Variants in PPP1R12B observed in about 807,000 individuals in gnomAD.
The protein encoded by PPP1R12B is protein phosphatase 1 regulatory subunit 12B, also known as myosin phosphatase target subunit 2.
Under a neutral mutation model 126.1 loss-of-function variants are expected in PPP1R12B, and 76 were observed. The ratio of observed to expected loss-of-function variants is 0.60; its 90% CI spans 0.50 to 0.73. The LOEUF (loss-of-function observed/expected upper bound fraction) is 0.73, where lower values mean the gene tolerates loss of function less well. Ranked by LOEUF, PPP1R12B falls within the 30% of genes least tolerant of loss-of-function variation. PPP1R12B has a pLI of 0.00. For missense variants in PPP1R12B, 1,052 were observed against 1,205.1 expected (o/e 0.87, Z 1.88); for synonymous variants, 356 against 434.7 (o/e 0.82, Z 2.25).
intron 10 of PPP1R12B, chr1:202,438,367 A>C: frequency 2.4e-6 from 2 of 848,058 alleles, no homozygotes; most frequent in Non-Finnish European, 3.6e-6. Context: ...TCCTGGATCC[A>C]GAGGGCCAAT....
At position 202,416,850 on chromosome 1, in the gene PPP1R12B, C is replaced by G. The variant is rs1668140928; in HGVS notation, c.355C>G (p.Gln119Glu). 1 of 1,613,888 alleles carries G rather than the reference C, an allele frequency of 6.2e-7. No individual in the cohort carries two copies. Among genetic ancestry groups the G allele is most frequent in the Admixed American group, 1.7e-5 (1 of 59,994 alleles). Residue 119 changes from glutamine to glutamate, a missense_variant, in exon 2 of 24, where the codon CAG becomes GAG. Gln to Glu is a conservative substitution (Grantham distance 29). Coordinates refer to ENST00000608999, the MANE Select transcript of PPP1R12B (RefSeq NM_002481.4). Reference sequence around the variant, plus strand: ...GGTGGAGAACAGAGCCAATGTAAACCAGCAAGACAACGAGGGCTGGACACC... The same window carrying G: ...GGTGGAGAACAGAGCCAATGTAAACGAGCAAGACAACGAGGGCTGGACACC... The part of the protein sequence containing the change: ...FLVENRANVN[Q>E]QDNEGWTPLH...
Position 202,495,608 on chromosome 1 carries a change from A to G in PPP1R12B, c.2374A>G (p.Arg792Gly), listed in dbSNP as rs1208603273. Residue 792 changes from arginine to glycine, a missense_variant, in exon 17 of 24, where the codon AGG (arginine) becomes GGG (glycine). Coordinates refer to ENST00000608999, the MANE Select transcript of PPP1R12B (RefSeq NM_002481.4). Reference protein sequence around the residue: ...EADLDEQSSKRLSIRERRRPK... With the variant: ...EADLDEQSSKGLSIRERRRPK... ...AGATTTGGATGAGCAGTCCTCTAAGAGGCTGTCCATCCGAGAGAGGAGGCG... is the reference window on the plus strand; with the variant it reads ...AGATTTGGATGAGCAGTCCTCTAAGGGGCTGTCCATCCGAGAGAGGAGGCG... 6.8e-6 allele frequency: 11 copies of G among 1,614,118 alleles called. No homozygotes were observed. Among genetic ancestry groups the G allele is most frequent in the Non-Finnish European group, 9.3e-6 (11 of 1,179,992 alleles).
intron 18 of PPP1R12B, among the ~76,000 whole-genome samples, chr1:202,547,913 T>C (rs998654535): frequency 6.6e-6 from 1 of 152,134 alleles, no homozygotes; most frequent in Non-Finnish European, 1.5e-5. Context: ...AGAGAGAGAA[T>C]AGAAAAAAGT....
chr1:202,383,758 T>G (rs760337291), intron 1 of PPP1R12B, among the ~76,000 whole-genome samples: 3 of 152,164 alleles, frequency 2.0e-5, no homozygotes, highest in African/African-American at 4.8e-5. Flanking sequence ...TAAATTATAT[T>G]TGTTAAGATG....
Position 202,442,582 on chromosome 1 carries a change from T to C in PPP1R12B, c.1667+10T>C, listed in dbSNP as rs200454319. 6 of 1,605,558 alleles carry C rather than the reference T, an allele frequency of 3.7e-6. No homozygotes were observed. The highest frequency in any genetic ancestry group is 5.1e-6 in the Non-Finnish European group (6 of 1,175,860). ...CAACTTACTTGAAAAGGTACCAGGC[T>C]CAAAGGGGGTGGGAGATGTTTCTTT... On this transcript the variant is annotated intron_variant, in intron 12 of 23. Coordinates refer to ENST00000608999, the MANE Select transcript of PPP1R12B (RefSeq NM_002481.4).
At position 202,565,641 on chromosome 1, in the gene PPP1R12B, G is replaced by A. The variant is rs1687979614; in HGVS notation, c.2757+1094G>A. Among the ~76,000 whole-genome samples, 1 of 152,126 alleles carries A rather than the reference G, an allele frequency of 6.6e-6. No homozygotes were observed. Among genetic ancestry groups the A allele is most frequent in the Non-Finnish European group, 1.5e-5 (1 of 68,030 alleles). On this transcript the variant is annotated intron_variant, in intron 21 of 23. Transcript: ENST00000608999. This position sits in a 1 kb window ranked among gnomAD's most constrained non-coding sequence, Gnocchi z 4.3. Reference sequence around the variant, plus strand: ...ACTTTCTGGAGAAGGGCTTACCCAGGTGTAAAATGTGAACTGCCTGTCAGT... The same window carrying A: ...ACTTTCTGGAGAAGGGCTTACCCAGATGTAAAATGTGAACTGCCTGTCAGT...
intron 10 of PPP1R12B, chr1:202,438,844 TC>T: frequency 1.9e-6 from 2 of 1,042,178 alleles, no homozygotes; most frequent in Non-Finnish European, 3.0e-6. Flanking sequence ...ACGGCCATGG[TC>T]ACTGCTGACT....
chr1:202,531,003 C>T (rs1683881079), intron 18 of PPP1R12B, among the ~76,000 whole-genome samples: 1 of 152,220 alleles, frequency 6.6e-6, no homozygotes, highest in Non-Finnish European at 1.5e-5. Context: ...CACTCAGGAG[C>T]ATCTGTGCAG....
chr1:202,548,804 C>CTATATATATA (rs1321500598), intron 18 of PPP1R12B, among the ~76,000 whole-genome samples: 104 of 82,210 alleles, frequency 1.3e-3, no homozygotes, highest in Non-Finnish European at 2.0e-3. Flanking sequence ...CTCTCTCTCT[C>CTATATATATA]TCTCTATATA....
At chr1:202,553,896 A>C (rs189347045) in intron 18 of PPP1R12B, among the ~76,000 whole-genome samples, 3 of 152,102 alleles carry the variant, frequency 2.0e-5, no homozygotes, top group African/African-American at 7.2e-5. Context: ...ACTCTGTCTT[A>C]TCTCCTCTAG....
At chr1:202,502,863 GA>G (rs899729326) in intron 18 of PPP1R12B, 4 of 152,100 alleles carry the variant, frequency 2.6e-5, no homozygotes, top group African/African-American at 9.7e-5. Context: ...CAATTGCAAA[GA>G]CCCTAAGATA....
intron 11 of PPP1R12B, 54 bp from the exon 12 acceptor site, chr1:202,442,393 G>A: frequency 6.3e-7 from 1 of 1,576,670 alleles, no homozygotes; most frequent in Non-Finnish European, 8.6e-7. Context: ...TTGTATCATG[G>A]ACAAAAACTG....
At chr1:202,421,564 T>A (rs1373714886) in intron 2 of PPP1R12B, among the ~76,000 whole-genome samples, 1 of 150,854 alleles carries the variant, frequency 6.6e-6, no homozygotes, top group Non-Finnish European at 1.5e-5. Flanking sequence ...TGCTTGAACC[T>A]GGAACGTGGA....
At chr1:202,506,641 T>G (rs1409697360) in intron 18 of PPP1R12B, among the ~76,000 whole-genome samples, 1 of 152,234 alleles carries the variant, frequency 6.6e-6, no homozygotes, top group African/African-American at 2.4e-5. Flanking sequence ...TTTTTTTGAT[T>G]TCTTCTTCTG....
At chr1:202,394,514 G>A (rs1664639632) in intron 1 of PPP1R12B, among the ~76,000 whole-genome samples, 1 of 152,044 alleles carries the variant, frequency 6.6e-6, no homozygotes, top group Admixed American at 6.6e-5. Flanking sequence ...AAGCACTTTG[G>A]GAGGCCAAGG....
In PPP1R12B at chr1:202,562,847, TCGGGAGGCC is replaced by T; in HGVS notation, c.2589_2597del (p.Glu864_Arg866del). On this transcript the variant is annotated inframe_deletion, in exon 20 of 24. Coordinates refer to ENST00000608999, the MANE Select transcript of PPP1R12B (RefSeq NM_002481.4). ...GTGACCGGGCTTCAGCAAGAGCCCG[TCGGGAGGCC>T]CGGGAGGCCCGCCTAGCCACCCTGA... 3 of 1,613,400 alleles carry T rather than the reference TCGGGAGGCC, an allele frequency of 1.9e-6. No homozygotes were observed. The highest frequency in any genetic ancestry group is 2.5e-6 in the Non-Finnish European group (3 of 1,179,766).
At chr1:202,451,040 T>G (rs1396324866) in intron 13 of PPP1R12B, among the ~76,000 whole-genome samples, 1 of 152,080 alleles carries the variant, frequency 6.6e-6, no homozygotes, top group Non-Finnish European at 1.5e-5. Context: ...CTTACACCAG[T>G]GTTTTATAGT....
chr1:202,446,253 TA>T (rs1374248853), intron 12 of PPP1R12B, among the ~76,000 whole-genome samples: 3,348 of 66,542 alleles, frequency 0.05, 116 homozygotes, highest in Non-Finnish European at 0.075. Flanking sequence ...TATATATATA[TA>T]TATTTTTTTT....
intron 13 of PPP1R12B, among the ~76,000 whole-genome samples, chr1:202,466,145 A>C (rs533652835): frequency 6.6e-6 from 1 of 152,164 alleles, no homozygotes; most frequent in Admixed American, 6.5e-5. Flanking sequence ...TCTTCCCTTC[A>C]CTGTTAGTCT....
Sources: allele counts gnomAD v4.1 joint callset (sites outside exome capture counted in the v4.1 genomes callset), GRCh38; gene constraint gnomAD v4.1.1; non-coding constraint Gnocchi (gnomAD v3.1); transcripts MANE v1.5; gene names NCBI Gene and HGNC (gene_info 2026-07-23, HGNC 2026-07-21).